Variants in NCEH1 observed in about 807,000 individuals in gnomAD.
NCEH1 encodes neutral cholesterol ester hydrolase 1.
Under a neutral mutation model 25.4 loss-of-function variants are expected in NCEH1, and 9 were observed. The observed-to-expected ratio is 0.35, with a 90% CI of 0.21 to 0.62. The LOEUF is 0.62. NCEH1 is among the 20% of genes least tolerant of loss of function. The pLI is 0.72. For synonymous variants in NCEH1, 200 were observed against 199.8 expected, an observed-to-expected ratio of 1.00 and a Z score of -0.01; for missense variants, 412 against 501.1, an observed-to-expected ratio of 0.82 and a Z score of 1.70.
chr3:172,683,803 A>T (rs1423718045), intron 1 of NCEH1, among the ~76,000 whole-genome samples: 1 of 152,254 alleles, frequency 6.6e-6, no homozygotes, highest in African/African-American at 2.4e-5. Context: ...AGAAGAATAC[A>T]TCTAATGTAA....
intron 1 of NCEH1, among the ~76,000 whole-genome samples, chr3:172,679,074 G>A (rs1031914651): frequency 4.6e-5 from 7 of 152,168 alleles, no homozygotes; most frequent in South Asian, 2.1e-4. Context: ...TATTTGTCCC[G>A]ACTGGCTAGC....
chr3:172,652,279 G>A (rs1202690177), intron 1 of NCEH1, among the ~76,000 whole-genome samples: 1 of 152,232 alleles, frequency 6.6e-6, no homozygotes, highest in African/African-American at 2.4e-5. Context: ...CTTGCAGATG[G>A]ACCTAAGACA....
At chr3:172,678,571 A>G (rs1285967426) in intron 1 of NCEH1, among the ~76,000 whole-genome samples, 1 of 152,232 alleles carries the variant, frequency 6.6e-6, no homozygotes, top group Non-Finnish European at 1.5e-5. Flanking sequence ...CAAAATATCT[A>G]TACAACAATT....
chr3:172,683,063 A>G (rs1712474353), intron 1 of NCEH1, among the ~76,000 whole-genome samples: 1 of 152,226 alleles, frequency 6.6e-6, no homozygotes, highest in Non-Finnish European at 1.5e-5. Flanking sequence ...AATATAAGAT[A>G]GTTGGCCAGA....
intron 1 of NCEH1, among the ~76,000 whole-genome samples, chr3:172,675,321 A>AT (rs1278076469): frequency 0.015 from 2,341 of 151,280 alleles, 35 homozygotes; most frequent in East Asian, 0.054. Context: ...AAATAAATAA[A>AT]TAAATAAATA....
Position 172,631,669 on chromosome 3 carries a change from G to A in NCEH1, c.*1806C>T, listed in dbSNP as rs1560174348. 1 of 152,610 alleles carries A rather than the reference G, an allele frequency of 6.6e-6. No homozygotes were observed. The highest frequency in any genetic ancestry group is 1.9e-4 in the East Asian group (1 of 5,204). 9.5% of individuals were successfully genotyped at this position (152,610 alleles called of 1,614,324 possible). On this transcript the variant is annotated 3_prime_UTR_variant, in exon 5 of 5. Coordinates refer to ENST00000475381, the MANE Select transcript of NCEH1 (RefSeq NM_020792.6). ...ACACACACAGGCACACATACATACT[G>A]TTGCATTGACTTCTGTTTTGTACAT...
intron 1 of NCEH1, among the ~76,000 whole-genome samples, chr3:172,702,766 T>C (rs1310275716): frequency 6.6e-6 from 1 of 152,134 alleles, no homozygotes; most frequent in Non-Finnish European, 1.5e-5. Context: ...AGAGGATCAC[T>C]TGAGCCCAGG....
chr3:172,636,944 C>T (rs762534242), intron 3 of NCEH1, among the ~76,000 whole-genome samples: 1 of 152,128 alleles, frequency 6.6e-6, no homozygotes, highest in African/African-American at 2.4e-5. Context: ...ATCCTTTAAG[C>T]CTTAACTGGA....
Position 172,636,322 on chromosome 3 carries a change from A to T in NCEH1, c.438-235T>A, listed in dbSNP as rs1357651539. On this transcript the variant is annotated intron_variant, in intron 3 of 4. Transcript: ENST00000475381. ...ATTAGTAATAGTACTATTTTTCTTTAAACTATCAGCCACCAAACCAAACCT... is the reference window on the plus strand; with the variant it reads ...ATTAGTAATAGTACTATTTTTCTTTTAACTATCAGCCACCAAACCAAACCT... 7 of 300,580 alleles carry T rather than the reference A, an allele frequency of 2.3e-5. No individual in the cohort carries two copies. The Admixed American group carries it at 2.8e-4, about 12-fold the overall frequency. 18.6% of individuals were successfully genotyped at this position (300,580 alleles called of 1,614,324 possible). A position where few individuals can be genotyped will look rare whatever the true frequency, so the allele number is the denominator to read the frequency against.
Position 172,640,439 on chromosome 3 carries a change from C to T in NCEH1, c.438-4352G>A, listed in dbSNP as rs561894628. Among the ~76,000 whole-genome samples, 4 of 152,308 alleles carry T rather than the reference C, an allele frequency of 2.6e-5. No homozygotes were observed. The South Asian group carries it at 8.3e-4, about 32-fold the overall frequency. ...TCCACTAACAGAAGTTTCCTTTCTA[C>T]TGTTGCATCACAAGGTCAAAAAAAA... On this transcript the variant is annotated intron_variant, in intron 3 of 4. Coordinates refer to ENST00000475381, the MANE Select transcript of NCEH1 (RefSeq NM_020792.6).
intron 1 of NCEH1, among the ~76,000 whole-genome samples, chr3:172,697,175 G>A (rs868303689): frequency 4.6e-5 from 7 of 151,604 alleles, no homozygotes; most frequent in East Asian, 1.9e-4. Context: ...GCAATCCACC[G>A]GTCTTGGCCT....
At chr3:172,691,136 C>T (rs1244567606) in intron 1 of NCEH1, among the ~76,000 whole-genome samples, 1 of 152,122 alleles carries the variant, frequency 6.6e-6, no homozygotes, top group Non-Finnish European at 1.5e-5. Flanking sequence ...ATACTTTCTC[C>T]AAACATAGAG....
At chr3:172,642,255 C>G (rs1050046275) in intron 3 of NCEH1, among the ~76,000 whole-genome samples, 23 of 151,952 alleles carry the variant, frequency 1.5e-4, no homozygotes, top group Non-Finnish European at 1.5e-5. Flanking sequence ...CTCACTGCAG[C>G]CTTGATCTCC....
chr3:172,710,941 G>T lies in NCEH1; in HGVS notation c.44C>A (p.Ala15Asp). ...CVLLTALVAL[A>D]AYYVYIPLPG... ...CAGCGGGATGTAGACGTAATAGGCG[G>T]CCAGCGCCACCAGGGCGGTGAGCAG... is the stretch of plus-strand genomic sequence containing the variant. Residue 15 changes from alanine to aspartate, a missense_variant, in exon 1 of 5, where the codon GCC (alanine) becomes GAC (aspartate). Transcript: ENST00000475381. 5 of 1,614,170 alleles carry T rather than the reference G, an allele frequency of 3.1e-6. No homozygotes were observed. Among genetic ancestry groups the T allele is most frequent in the Non-Finnish European group, 4.2e-6 (5 of 1,180,034 alleles).
chr3:172,656,674 G>A, intron 1 of NCEH1, among the ~76,000 whole-genome samples: 1 of 152,136 alleles, frequency 6.6e-6, no homozygotes, highest in East Asian at 1.9e-4. Flanking sequence ...GCTGACGCAG[G>A]AGAATTGCTT....
intron 1 of NCEH1, among the ~76,000 whole-genome samples, chr3:172,654,728 C>T (rs1383639845): frequency 6.6e-6 from 1 of 152,208 alleles, no homozygotes; most frequent in African/African-American, 2.4e-5. Context: ...ACACTTAAAG[C>T]ATCGATTCTA....
intron 1 of NCEH1, among the ~76,000 whole-genome samples, chr3:172,658,195 G>A (rs1457624599): frequency 6.6e-6 from 1 of 152,190 alleles, no homozygotes; most frequent in Non-Finnish European, 1.5e-5. Flanking sequence ...ACTCCCACCA[G>A]CACCATGACA....
At chr3:172,646,173 C>G (rs986894047) in intron 2 of NCEH1, among the ~76,000 whole-genome samples, 1 of 152,074 alleles carries the variant, frequency 6.6e-6, no homozygotes, top group African/African-American at 2.4e-5. Flanking sequence ...GCAACATAGC[C>G]AGATGCTGCC....
intron 1 of NCEH1, among the ~76,000 whole-genome samples, chr3:172,671,534 TAG>T (rs1711623178): frequency 8.4e-6 from 1 of 119,022 alleles, no homozygotes; most frequent in Non-Finnish European, 1.8e-5. Context: ...CACACATATA[TAG>T]ATATATATAC....
Sources: allele counts gnomAD v4.1 joint callset (sites outside exome capture counted in the v4.1 genomes callset), GRCh38; gene constraint gnomAD v4.1.1; transcripts MANE v1.5; gene names NCBI Gene and HGNC (gene_info 2026-07-23, HGNC 2026-07-21).